Variants in SESN1 observed in about 807,000 individuals in gnomAD.
SESN1 encodes sestrin-1.
In SESN1, 30 loss-of-function variants were observed where a neutral mutation model predicts 59.3. The ratio of observed to expected loss-of-function variants is 0.51; its 90% confidence interval spans 0.38 to 0.69. The LOEUF is 0.69. SESN1 is among the 30% of genes least tolerant of loss of function. The pLI, the probability that SESN1 is intolerant of heterozygous loss-of-function variation, is 0.00. For missense variants in SESN1, 566 were observed against 673.0 expected, an observed-to-expected ratio of 0.84 and a Z score of 1.76; for synonymous variants, 197 against 219.9, an observed-to-expected ratio of 0.90 and a Z score of 0.92.
At chr6:108,992,121 C>A (rs899913517) in intron 7 of SESN1, among the ~76,000 whole-genome samples, 2 of 152,032 alleles carry the variant, frequency 1.3e-5, no homozygotes, top group Non-Finnish European at 2.9e-5. Context: ...TTTTTTGAGA[C>A]AGGATCCCAC....
At chr6:109,045,937 G>T (rs1470739155) in intron 1 of SESN1, among the ~76,000 whole-genome samples, 1 of 152,074 alleles carries the variant, frequency 6.6e-6, no homozygotes, top group Non-Finnish European at 1.5e-5. Flanking sequence ...ATAAGAATTT[G>T]ATTTTGAACC....
At position 109,094,587 on chromosome 6, in the gene SESN1, G is replaced by C. The variant is rs917436477; in HGVS notation, c.-514C>G. ...CCTCCCAGCGCCTCAGCAGCCGGCC[G>C]GCGCCGGCAGGGAAGGCTCGCCGAA... On this transcript the variant is annotated 5_prime_UTR_variant, in exon 1 of 10. Transcript: ENST00000436639. 1 of 152,412 alleles carries C rather than the reference G, an allele frequency of 6.6e-6. No individual in the cohort carries two copies. Among genetic ancestry groups the C allele is most frequent in the Non-Finnish European group, 1.5e-5 (1 of 68,194 alleles). The allele number at this position is 152,412 out of a possible 1,614,324, so 9.4% of individuals were successfully genotyped here. A position where few individuals can be genotyped will look rare whatever the true frequency, so the allele number is the denominator to read the frequency against.
intron 1 of SESN1, among the ~76,000 whole-genome samples, chr6:109,054,456 T>G (rs1780595757): frequency 6.6e-6 from 1 of 152,174 alleles, no homozygotes; most frequent in South Asian, 2.1e-4. Flanking sequence ...AGAAATATTA[T>G]TTTTGCCCTA....
At position 109,043,242 on chromosome 6, in the gene SESN1, C is replaced by T. The variant is rs147245985; in HGVS notation, c.280-40899G>A. 8.4e-4 allele frequency among the ~76,000 whole-genome samples: 128 copies of T among 152,168 alleles called. 1 individual carries two copies. The highest frequency in any genetic ancestry group is 6.2e-4 in the Non-Finnish European group (42 of 67,976). ...AACCTACAGCTGTTTTTATACTTAACGGTGAAAGATGGAATGCTTTCCTCT... is the reference window on the plus strand; with the variant it reads ...AACCTACAGCTGTTTTTATACTTAATGGTGAAAGATGGAATGCTTTCCTCT... On this transcript the variant is annotated intron_variant, in intron 1 of 9. Coordinates refer to ENST00000436639, the MANE Select transcript of SESN1 (RefSeq NM_014454.3).
At chr6:109,052,962 T>C (rs990277374) in intron 1 of SESN1, among the ~76,000 whole-genome samples, 1 of 152,134 alleles carries the variant, frequency 6.6e-6, no homozygotes, top group Non-Finnish European at 1.5e-5. Flanking sequence ...ATCAATAAAG[T>C]AATTGAAAGT....
chr6:109,024,603 T>G (rs768328624), intron 1 of SESN1, among the ~76,000 whole-genome samples: 33 of 152,326 alleles, frequency 2.2e-4, no homozygotes, highest in Non-Finnish European at 4.9e-4. Flanking sequence ...GTTGAAAATA[T>G]CATAAGTAAA....
chr6:109,045,727 G>C (rs1209406223), intron 1 of SESN1, among the ~76,000 whole-genome samples: 1 of 152,160 alleles, frequency 6.6e-6, no homozygotes, highest in Non-Finnish European at 1.5e-5. Context: ...AGCCTTTGCA[G>C]AATTCTCTTG....
intron 1 of SESN1, among the ~76,000 whole-genome samples, chr6:109,070,773 T>C (rs898731371): frequency 6.6e-6 from 1 of 152,212 alleles, no homozygotes; most frequent in Non-Finnish European, 1.5e-5. Flanking sequence ...AACATAGCAT[T>C]TTTCAAACTA....
Position 108,984,580 on chromosome 6 carries a change from C to T in SESN1, c.*2964G>A, listed in dbSNP as rs1240166228. On this transcript the variant is annotated 3_prime_UTR_variant, in exon 10 of 10. Transcript: ENST00000436639. ...TTACATTTCAGCATACAACATACAT[C>T]AACATACAAATGTAGGGGAAGACAC... is the stretch of plus-strand genomic sequence containing the variant. Among the ~76,000 whole-genome samples the T allele has an allele frequency of 6.6e-6, 1 of 152,194 alleles. No homozygotes were observed. The highest frequency in any genetic ancestry group is 1.9e-4 in the East Asian group (1 of 5,206).
intron 1 of SESN1, among the ~76,000 whole-genome samples, chr6:109,032,709 C>T (rs1583279863): frequency 6.6e-6 from 1 of 152,086 alleles, no homozygotes; most frequent in Non-Finnish European, 1.5e-5. Context: ...GGAAGATGGC[C>T]TCTTGTCTCA....
At chr6:109,010,937 T>G (rs1310641267) in intron 1 of SESN1, among the ~76,000 whole-genome samples, 1 of 152,188 alleles carries the variant, frequency 6.6e-6, no homozygotes, top group Admixed American at 6.5e-5. Flanking sequence ...TGGTTGTAAA[T>G]GAATGAGTTG....
chr6:109,001,817 A>G (rs1245534994), intron 2 of SESN1, among the ~76,000 whole-genome samples: 1 of 152,188 alleles, frequency 6.6e-6, no homozygotes, highest in Admixed American at 6.5e-5. Context: ...TTTCTTTACA[A>G]AACCGCCTAC....
chr6:109,011,327 T>G (rs1441450193), intron 1 of SESN1, among the ~76,000 whole-genome samples: 2 of 152,220 alleles, frequency 1.3e-5, no homozygotes, highest in East Asian at 3.8e-4. Flanking sequence ...CCAATTAGGA[T>G]TCCTTTTTCC....
chr6:108,991,852 G>A (rs1779392172), intron 7 of SESN1, among the ~76,000 whole-genome samples: 1 of 152,124 alleles, frequency 6.6e-6, no homozygotes, highest in African/African-American at 2.4e-5. Flanking sequence ...ATCAGAAGTA[G>A]GAATCTTTAG....
At chr6:109,080,056 T>C (rs1200095441) in intron 1 of SESN1, among the ~76,000 whole-genome samples, 1 of 152,108 alleles carries the variant, frequency 6.6e-6, no homozygotes, top group East Asian at 1.9e-4. Context: ...TACTCAACAC[T>C]CCTACACTAT....
intron 1 of SESN1, among the ~76,000 whole-genome samples, chr6:109,091,330 T>C (rs1781314520): frequency 6.6e-6 from 1 of 152,126 alleles, no homozygotes; most frequent in Non-Finnish European, 1.5e-5. Flanking sequence ...TTGTGTGATT[T>C]CACCCTATGA....
chr6:109,027,508 A>G (rs1385468298), intron 1 of SESN1, among the ~76,000 whole-genome samples: 1 of 150,204 alleles, frequency 6.7e-6, no homozygotes, highest in Admixed American at 6.6e-5. Flanking sequence ...AAAAAGAGAC[A>G]TCTTCACCAA....
At chr6:109,005,451 CCAGATTGA>C (rs764796433) in intron 1 of SESN1, among the ~76,000 whole-genome samples, 3 of 152,000 alleles carry the variant, frequency 2.0e-5, no homozygotes, top group Non-Finnish European at 4.4e-5. Flanking sequence ...AAAAATGTGG[CCAGATTGA>C]CAGCACATAG....
intron 1 of SESN1, among the ~76,000 whole-genome samples, chr6:109,030,091 C>T (rs1322496187): frequency 6.6e-6 from 1 of 152,112 alleles, no homozygotes; most frequent in Admixed American, 6.5e-5. Context: ...CTTTTCGAGA[C>T]ACCTGGGTCT....
Sources: allele counts gnomAD v4.1 joint callset (sites outside exome capture counted in the v4.1 genomes callset), GRCh38; gene constraint gnomAD v4.1.1; transcripts MANE v1.5; gene names NCBI Gene and HGNC (gene_info 2026-07-23, HGNC 2026-07-21).